Variants in KCTD8 observed in about 807,000 individuals in gnomAD.
KCTD8 encodes potassium channel tetramerization domain containing 8.
A neutral mutation model predicts 31.5 loss-of-function variants in KCTD8; 27 were observed. That is an observed-to-expected ratio of 0.86 (90% CI 0.63 to 1.18). KCTD8 has a LOEUF of 1.18. Among genes scored for constraint, KCTD8 ranks in the 50% most tolerant of loss-of-function variants. The pLI, the probability that KCTD8 is intolerant of heterozygous loss-of-function variation, is 0.00. For synonymous variants in KCTD8, 290 were observed against 280.0 expected (o/e 1.04, Z -0.36); for missense variants, 658 against 647.7 (o/e 1.02, Z -0.17).
chr4:44,244,159 T>C (rs1208690009), intron 1 of KCTD8, among the ~76,000 whole-genome samples: 1 of 152,238 alleles, frequency 6.6e-6, no homozygotes, highest in Non-Finnish European at 1.5e-5. Flanking sequence ...CGAGGAGACA[T>C]TAACCAAATC....
At chr4:44,266,449 G>A (rs1285478465) in intron 1 of KCTD8, among the ~76,000 whole-genome samples, 1 of 152,198 alleles carries the variant, frequency 6.6e-6, no homozygotes, top group African/African-American at 2.4e-5. Flanking sequence ...ATGCCAAAAT[G>A]TAAAGATCAT....
At chr4:44,198,629 G>A (rs1273741451) in intron 1 of KCTD8, among the ~76,000 whole-genome samples, 1 of 152,038 alleles carries the variant, frequency 6.6e-6, no homozygotes, top group Non-Finnish European at 1.5e-5. Flanking sequence ...GTTACCACCA[G>A]ACCAGCCTTA....
intron 1 of KCTD8, among the ~76,000 whole-genome samples, chr4:44,411,194 G>T (rs1356139187): frequency 6.6e-6 from 1 of 151,964 alleles, no homozygotes; most frequent in Non-Finnish European, 1.5e-5. Flanking sequence ...AGTGGGCCAG[G>T]TATAGTGGCT....
intron 1 of KCTD8, among the ~76,000 whole-genome samples, chr4:44,232,115 C>T (rs895905045): frequency 6.6e-6 from 1 of 152,066 alleles, no homozygotes; most frequent in East Asian, 1.9e-4. Context: ...CAATTTGATT[C>T]ATTTGAAAAC....
At chr4:44,351,077 C>T (rs778444004) in intron 1 of KCTD8, among the ~76,000 whole-genome samples, 1 of 152,110 alleles carries the variant, frequency 6.6e-6, no homozygotes, top group African/African-American at 2.4e-5. Flanking sequence ...GGAATTCTCT[C>T]CCATTTATTC....
intron 1 of KCTD8, among the ~76,000 whole-genome samples, chr4:44,299,746 C>T: frequency 6.6e-6 from 1 of 151,290 alleles, no homozygotes; most frequent in African/African-American, 2.4e-5. Context: ...AAAGGTGGTG[C>T]CTTAGGTGAT....
intron 1 of KCTD8, among the ~76,000 whole-genome samples, chr4:44,379,805 T>G (rs1417195611): frequency 6.6e-6 from 1 of 152,150 alleles, no homozygotes; most frequent in Admixed American, 6.6e-5. Flanking sequence ...TCTATCCTAT[T>G]GTATGACCAC....
At position 44,192,362 on chromosome 4, in the gene KCTD8, A is replaced by G. The variant is rs532448935; in HGVS notation, c.962-17112T>C. ...CACATTCTTTAAGGCTAGGATGGGTATTATTTAGCCTATTATTACTGGCCT... is the reference window on the plus strand; with the variant it reads ...CACATTCTTTAAGGCTAGGATGGGTGTTATTTAGCCTATTATTACTGGCCT... On this transcript the variant is annotated intron_variant, in intron 1 of 1. Transcript: ENST00000360029. 3.3e-5 allele frequency among the ~76,000 whole-genome samples: 5 copies of G among 152,008 alleles called. No homozygotes were observed. The East Asian group carries it at 5.8e-4, about 18-fold the overall frequency.
Position 44,447,860 on chromosome 4 carries a change from C to A in KCTD8, c.664G>T (p.Asp222Tyr), listed in dbSNP as rs770921641. ...GYRGSYTTVR[D>Y]NQADAKFRRV... ...CGGAATTTGGCGTCGGCCTGGTTGT[C>A]GCGCACGGTGGTGTAGGAGCCCCGG... The change falls in exon 1 of 2, where the codon GAC becomes TAC. Residue 222 changes from aspartate to tyrosine, a missense_variant. Transcript: ENST00000360029. The A allele has an allele frequency of 1.9e-6, 3 of 1,575,612 alleles. No homozygotes were observed. The highest frequency in any genetic ancestry group is 2.6e-6 in the Non-Finnish European group (3 of 1,158,906).
At position 44,447,929 on chromosome 4, in the gene KCTD8, C is replaced by T; in HGVS notation, c.595G>A (p.Gly199Ser). ...GPGAHGGGGGGGAQDKRSGFL... is the reference protein window; with the variant it reads ...GPGAHGGGGGSGAQDKRSGFL... ...CCCGAGCGCTTGTCCTGCGCGCCGC[C>T]GCCGCCGCCACCACCGTGCGCTCCC... is the stretch of plus-strand genomic sequence containing the variant. Residue 199 changes from glycine to serine, a missense_variant, in exon 1 of 2, where the codon GGC becomes AGC. Physicochemically the swap from Gly to Ser is moderately conservative, Grantham distance 56. Transcript: ENST00000360029. 1 of 1,422,268 alleles carries T rather than the reference C, an allele frequency of 7.0e-7. No homozygotes were observed. The highest frequency in any genetic ancestry group is 9.2e-7 in the Non-Finnish European group (1 of 1,087,426). The allele number at this position is 1,422,268 out of a possible 1,614,324, so 88.1% of individuals were successfully genotyped here. A position where few individuals can be genotyped will look rare whatever the true frequency, so the allele number is the denominator to read the frequency against.
chr4:44,192,111 A>G (rs1713780901), intron 1 of KCTD8, among the ~76,000 whole-genome samples: 1 of 152,194 alleles, frequency 6.6e-6, no homozygotes, highest in African/African-American at 2.4e-5. Context: ...TAGAATATGC[A>G]TTGAAATATT....
chr4:44,208,155 A>G (rs773119450), intron 1 of KCTD8, among the ~76,000 whole-genome samples: 1 of 152,202 alleles, frequency 6.6e-6, no homozygotes, highest in Non-Finnish European at 1.5e-5. Context: ...TAACTTTCTT[A>G]GAAATTTTCT....
chr4:44,387,258 G>C (rs529976457), intron 1 of KCTD8, among the ~76,000 whole-genome samples: 2 of 151,640 alleles, frequency 1.3e-5, no homozygotes, highest in East Asian at 3.9e-4. Flanking sequence ...CAATGCTCAG[G>C]GATACGAAGA....
intron 1 of KCTD8, among the ~76,000 whole-genome samples, chr4:44,360,643 T>C (rs1321135961): frequency 6.6e-6 from 1 of 152,028 alleles, no homozygotes; most frequent in Non-Finnish European, 1.5e-5. Flanking sequence ...AATCTTTACA[T>C]TCAATTAATT....
chr4:44,256,480 T>A (rs189535718), intron 1 of KCTD8, among the ~76,000 whole-genome samples: 110 of 152,080 alleles, frequency 7.2e-4, no homozygotes, highest in Non-Finnish European at 1.4e-3. Flanking sequence ...AGTAAATATA[T>A]GAAAGGTGTT....
chr4:44,432,055 T>C (rs1309807019), intron 1 of KCTD8, among the ~76,000 whole-genome samples: 1 of 151,650 alleles, frequency 6.6e-6, no homozygotes, highest in Non-Finnish European at 1.5e-5. Flanking sequence ...AAAATGTCTT[T>C]ATGTCCTTTC....
chr4:44,325,551 C>A (rs977319130), intron 1 of KCTD8, among the ~76,000 whole-genome samples: 14 of 151,798 alleles, frequency 9.2e-5, no homozygotes, highest in Non-Finnish European at 1.8e-4. Context: ...ACCCCATAAT[C>A]CATGCTGTGC....
chr4:44,326,204 C>A (rs2046855), intron 1 of KCTD8, among the ~76,000 whole-genome samples: 1 of 151,370 alleles, frequency 6.6e-6, no homozygotes, highest in Admixed American at 6.6e-5. Flanking sequence ...GAAGTTTTTC[C>A]TATTTTTTTC....
intron 1 of KCTD8, among the ~76,000 whole-genome samples, chr4:44,314,906 T>A (rs1718064398): frequency 6.6e-6 from 1 of 150,552 alleles, no homozygotes; most frequent in African/African-American, 2.4e-5. Flanking sequence ...AAAAAAAAAC[T>A]TATACTCCTC....
Sources: gnomAD v4.1 joint callset for allele counts (sites outside exome capture counted in the v4.1 genomes callset) on GRCh38, gnomAD v4.1.1 for gene constraint, MANE v1.5 for transcripts, NCBI Gene and HGNC (gene_info 2026-07-23, HGNC 2026-07-21) for gene names.